The following NEK11 variants were observed in gnomAD, a reference collection of about 807,000 sequenced individuals.
The protein encoded by NEK11 is NIMA related kinase 11.
NEK11 carries 72 observed loss-of-function variants against 80.7 expected under a neutral mutation model. The observed-to-expected ratio is 0.89, with a 90% CI of 0.74 to 1.08. The LOEUF (loss-of-function observed/expected upper bound fraction) is 1.08, where lower values mean the gene tolerates loss of function less well. Among genes scored for constraint, NEK11 ranks in the 50% least tolerant of loss-of-function variants. The pLI is 0.00. For missense variants in NEK11, 764 were observed against 763.6 expected (o/e 1.00, Z -0.01); for synonymous variants, 251 against 260.7 (o/e 0.96, Z 0.36).
Position 131,344,018 on chromosome 3 carries a change from C to CA in NEK11, c.1719-5533dup, listed in dbSNP as rs200697536. Among the ~76,000 whole-genome samples the CA allele has an allele frequency of 5.6e-4, 86 of 152,272 alleles. No homozygotes were observed. In the East Asian group the frequency reaches 0.015, roughly 27 times the overall value. Reference sequence around the variant, plus strand: ...ATAGCCTGCTTGAATTTCTCTCCCCCAAAAAAGCTTTTTCTTTCTTTGTCA... The same window carrying CA: ...ATAGCCTGCTTGAATTTCTCTCCCCCAAAAAAAGCTTTTTCTTTCTTTGTCA... On this transcript the variant is annotated intron_variant, in intron 17 of 17. Transcript: ENST00000383366.
intron 14 of NEK11, among the ~76,000 whole-genome samples, chr3:131,180,710 G>A (rs764076532): frequency 1.4e-4 from 22 of 152,124 alleles, no homozygotes; most frequent in Non-Finnish European, 2.4e-4. Flanking sequence ...ATTTTGAGAT[G>A]AATCATTATA....
At chr3:131,314,021 A>T (rs2096808367) in intron 17 of NEK11, among the ~76,000 whole-genome samples, 1 of 152,142 alleles carries the variant, frequency 6.6e-6, no homozygotes, top group Admixed American at 6.6e-5. Flanking sequence ...TCTTGTAATG[A>T]CATCTAATTC....
chr3:131,215,414 A>T (rs979868903), intron 14 of NEK11, among the ~76,000 whole-genome samples: 4 of 152,110 alleles, frequency 2.6e-5, no homozygotes, highest in Admixed American at 6.5e-5. Context: ...CTAGAACTTA[A>T]AGTATAACAA....
chr3:131,099,396 T>C lies in NEK11; in HGVS notation c.337-10407T>C, dbSNP rs149481857. ...CCTTATAATACAGTTTGAAGTCAGG[T>C]AGTGTGATGCCTCCAGCTTTGTTCT... On this transcript the variant is annotated intron_variant, in intron 4 of 17. Transcript: ENST00000383366. Among the ~76,000 whole-genome samples, 337 of 152,336 alleles carry C rather than the reference T, an allele frequency of 2.2e-3. 1 individual carries two copies. Among genetic ancestry groups the C allele is most frequent in the Non-Finnish European group, 3.6e-3 (243 of 68,032 alleles).
intron 3 of NEK11, among the ~76,000 whole-genome samples, chr3:131,069,429 G>A (rs540536131): frequency 3.9e-5 from 6 of 152,168 alleles, no homozygotes; most frequent in Admixed American, 3.9e-4. Flanking sequence ...CGATTCCTCA[G>A]GGATCTAGAA....
chr3:131,043,397 C>T (rs6790096), intron 3 of NEK11, among the ~76,000 whole-genome samples: 25,073 of 152,036 alleles, frequency 0.16, 2,178 homozygotes, highest in Middle Eastern at 0.2. Context: ...CTAGAATAAC[C>T]GGTTTAGATA....
intron 14 of NEK11, among the ~76,000 whole-genome samples, chr3:131,217,232 G>T (rs1341097261): frequency 2.0e-5 from 3 of 152,222 alleles, no homozygotes; most frequent in African/African-American, 7.2e-5. Context: ...TTGAAGTTTT[G>T]AGATGGATAA....
intron 17 of NEK11, among the ~76,000 whole-genome samples, chr3:131,299,412 G>A (rs570409182): frequency 1.9e-4 from 29 of 152,108 alleles, no homozygotes; most frequent in African/African-American, 7.0e-4. Context: ...GGCTAGTCTC[G>A]AACTCCTGGC....
chr3:131,233,006 AAGGAAGGAAGGAAG>A (rs1169142485), intron 15 of NEK11, among the ~76,000 whole-genome samples: 1 of 150,826 alleles, frequency 6.6e-6, no homozygotes, highest in Non-Finnish European at 1.5e-5. Context: ...GGAAGGAAGG[AAGGAAGGAAGGAAG>A]GAAGGAAGGA....
chr3:131,126,273 G>C (rs1440913709), intron 5 of NEK11, among the ~76,000 whole-genome samples: 3 of 152,064 alleles, frequency 2.0e-5, no homozygotes, highest in Non-Finnish European at 4.4e-5. Flanking sequence ...TCAATCTCTT[G>C]GTTCACCACT....
chr3:131,327,979 G>A (rs2097000265), intron 17 of NEK11, among the ~76,000 whole-genome samples: 2 of 151,476 alleles, frequency 1.3e-5, no homozygotes, highest in Non-Finnish European at 3.0e-5. Context: ...CACATACTAA[G>A]TGCTCATTAA....
At chr3:131,202,240 G>C (rs149964513) in intron 14 of NEK11, among the ~76,000 whole-genome samples, 1 of 152,006 alleles carries the variant, frequency 6.6e-6, no homozygotes, top group African/African-American at 2.4e-5. Flanking sequence ...TCATTGGGAC[G>C]GGCTGGACAG....
chr3:131,207,639 C>CT (rs202209596), intron 14 of NEK11, among the ~76,000 whole-genome samples: 2,006 of 152,078 alleles, frequency 0.013, 40 homozygotes, highest in African/African-American at 0.045. Flanking sequence ...TGTTTCCTGA[C>CT]TTTTTAATGA....
At chr3:131,086,681 C>T (rs1219860531) in intron 4 of NEK11, among the ~76,000 whole-genome samples, 1 of 152,144 alleles carries the variant, frequency 6.6e-6, no homozygotes, top group Non-Finnish European at 1.5e-5. Context: ...GATTTTCTGA[C>T]TGTTAAATCC....
intron 17 of NEK11, among the ~76,000 whole-genome samples, chr3:131,304,826 C>T (rs1264602568): frequency 6.6e-6 from 1 of 152,076 alleles, no homozygotes; most frequent in Non-Finnish European, 1.5e-5. Context: ...GGGGCAATGG[C>T]AGTGGGATCT....
At chr3:131,274,787 G>T (rs2096265732) in intron 17 of NEK11, among the ~76,000 whole-genome samples, 1 of 151,286 alleles carries the variant, frequency 6.6e-6, no homozygotes, top group Non-Finnish European at 1.5e-5. Flanking sequence ...CCGAGTAGCT[G>T]GGACTACAGG....
chr3:131,106,317 A>ATTTTTTTT (rs2079177224), intron 4 of NEK11, among the ~76,000 whole-genome samples: 1 of 151,308 alleles, frequency 6.6e-6, no homozygotes. Context: ...CCTTCGTAAG[A>ATTTTTTTT]ATGTTAAAAG....
intron 4 of NEK11, among the ~76,000 whole-genome samples, chr3:131,093,456 CTCTG>C (rs2077012633): frequency 6.6e-6 from 1 of 151,398 alleles, no homozygotes; most frequent in Non-Finnish European, 1.5e-5. Context: ...CAGAGTCTCG[CTCTG>C]TCTGTCAGGC....
At chr3:131,126,987 CAG>C (rs2083473136) in intron 5 of NEK11, among the ~76,000 whole-genome samples, 1 of 111,342 alleles carries the variant, frequency 9.0e-6, no homozygotes, top group Non-Finnish European at 1.7e-5. Flanking sequence ...TTTTTTGAGA[CAG>C]AGTCTCACTC....
Sources: gnomAD v4.1 joint callset for allele counts (sites outside exome capture counted in the v4.1 genomes callset) on GRCh38, gnomAD v4.1.1 for gene constraint, MANE v1.5 for transcripts, NCBI Gene and HGNC (gene_info 2026-07-23, HGNC 2026-07-21) for gene names.